Variants in WHRN observed in about 807,000 individuals in gnomAD.
WHRN encodes CASK-interacting protein CIP98.
A neutral mutation model predicts 68.3 loss-of-function variants in WHRN; 41 were observed. That is an observed-to-expected ratio of 0.60 (90% CI 0.47 to 0.78). The LOEUF is 0.78. Among genes scored for constraint, WHRN ranks in the 30% least tolerant of loss-of-function variants. The probability of loss-of-function intolerance (pLI) is 0.00; values close to 1 mark genes in which losing one functional copy is unlikely to be tolerated. For synonymous variants in WHRN, 560 were observed against 561.3 expected (o/e 1.00, Z 0.03); for missense variants, 1,243 against 1,244.7 (o/e 1.00, Z 0.02).
At chr9:114,440,737 A>C (rs898901344) in intron 3 of WHRN, among the ~76,000 whole-genome samples, 56 of 152,348 alleles carry the variant, frequency 3.7e-4, no homozygotes, top group African/African-American at 1.3e-3. Flanking sequence ...AGTGTGCTCA[A>C]GTTTTGAAAG....
intron 4 of WHRN, 102 bp from the exon 5 acceptor site, chr9:114,425,126 A>G (rs773966301): frequency 2.5e-6 from 3 of 1,216,968 alleles, no homozygotes; most frequent in Non-Finnish European, 2.4e-6. Flanking sequence ...AAGCTTCAAG[A>G]GAACCATGCA....
chr9:114,425,218 C>A, intron 4 of WHRN, 194 bp from the exon 5 acceptor site: 2 of 713,246 alleles, frequency 2.8e-6, no homozygotes, highest in Non-Finnish European at 5.1e-6. Context: ...CAGCGTCCAG[C>A]CTCCCAATCA....
rs10523063 is a variant in WHRN at position 114,464,816 on chromosome 9, AATGATGATGATGATGATG to A, written c.963+1433_963+1450del. Reference sequence around the variant, plus strand: ...GGTAGATGTTAATGATTATGTCCATAATGATGATGATGATGATGATGATGATGATGATGATGATGATGA... The same window carrying A: ...GGTAGATGTTAATGATTATGTCCATAATGATGATGATGATGATGATGATGA... On this transcript the variant is annotated intron_variant, in intron 3 of 11. Coordinates refer to ENST00000362057, the MANE Select transcript of WHRN (RefSeq NM_015404.4). Among the ~76,000 whole-genome samples the A allele has an allele frequency of 2.2e-3, 312 of 144,852 alleles. 3 individuals are homozygous for A. Among genetic ancestry groups the A allele is most frequent in the African/African-American group, 7.5e-3 (273 of 36,538 alleles).
intron 1 of WHRN, among the ~76,000 whole-genome samples, chr9:114,501,576 ACAC>A (rs1843928113): frequency 1.3e-5 from 2 of 151,728 alleles, no homozygotes; most frequent in African/African-American, 4.9e-5. Context: ...ACACACACAC[ACAC>A]ACACACACTG....
At chr9:114,472,362 C>A (rs1841299794) in intron 2 of WHRN, among the ~76,000 whole-genome samples, 1 of 152,176 alleles carries the variant, frequency 6.6e-6, no homozygotes, top group African/African-American at 2.4e-5. Flanking sequence ...TGCTGCTGCT[C>A]CTCAAGAGGC....
chr9:114,504,779 A>T lies in WHRN; in HGVS notation c.23T>A (p.Leu8Gln), dbSNP rs1844265388. The T allele has an allele frequency of 6.8e-7, 1 of 1,476,016 alleles. No individual in the cohort carries two copies. Among genetic ancestry groups the T allele is most frequent in the Middle Eastern group, 2.4e-4 (1 of 4,174 alleles). The allele number at this position is 1,476,016 out of a possible 1,614,324, so 91.4% of individuals were successfully genotyped here. ...GCCGGTGGAGGACGAGCTCACCGACAGGCCGTCCAGCGGCGCGTTCATCTC... is the reference window on the plus strand; with the variant it reads ...GCCGGTGGAGGACGAGCTCACCGACTGGCCGTCCAGCGGCGCGTTCATCTC... MNAPLDG[L>Q]SVSSSSTGSL... The change falls in exon 1 of 12, where the codon CTG becomes CAG. Residue 8 changes from leucine to glutamine, a missense_variant. Leu to Gln is a moderately radical substitution (Grantham distance 113). Transcript: ENST00000362057.
intron 2 of WHRN, among the ~76,000 whole-genome samples, chr9:114,472,917 C>G (rs917707400): frequency 3.9e-5 from 6 of 152,228 alleles, no homozygotes; most frequent in Non-Finnish European, 8.8e-5. Context: ...TTAAGTGACT[C>G]ATCCAAGGTT....
Position 114,406,364 on chromosome 9 carries a change from G to C in WHRN, c.2227C>G (p.Gln743Glu), listed in dbSNP as rs1485841087. Reference sequence around the variant, plus strand: ...GCCTTGCTGTACTCACTGCGCGTCTGGGGCAGCGCCCTCACTTCATTGACG... The same window carrying C: ...GCCTTGCTGTACTCACTGCGCGTCTCGGGCAGCGCCCTCACTTCATTGACG... Reference protein sequence around the residue: ...PDVNEVRALPQTRTASTLSQL... With the variant: ...PDVNEVRALPETRTASTLSQL... The change falls in exon 9 of 12, where the codon CAG becomes GAG. Residue 743 changes from glutamine (Q) to glutamate (E), a missense_variant. Coordinates refer to ENST00000362057, the MANE Select transcript of WHRN (RefSeq NM_015404.4). 2.5e-6 allele frequency: 4 copies of C among 1,613,972 alleles called. No homozygotes were observed. Among genetic ancestry groups the C allele is most frequent in the African/African-American group, 1.3e-5 (1 of 74,938 alleles).
intron 3 of WHRN, among the ~76,000 whole-genome samples, chr9:114,450,153 G>A (rs1407243297): frequency 1.3e-5 from 2 of 152,138 alleles, no homozygotes; most frequent in Non-Finnish European, 2.9e-5. Context: ...CTGGTGGGGA[G>A]GCAAAGCCCA....
At chr9:114,417,543 G>A (rs1835903722) in intron 7 of WHRN, among the ~76,000 whole-genome samples, 1 of 152,238 alleles carries the variant, frequency 6.6e-6, no homozygotes, top group South Asian at 2.1e-4. Flanking sequence ...TTGGGGAAGG[G>A]AAACCCACGA....
At position 114,451,003 on chromosome 9, in the gene WHRN, CTT is replaced by C. The variant is rs200093862; in HGVS notation, c.963+15262_963+15263del. 5.4e-3 allele frequency among the ~76,000 whole-genome samples: 826 copies of C among 152,330 alleles called. 4 individuals carry two copies. Among genetic ancestry groups the C allele is most frequent in the Non-Finnish European group, 8.7e-3 (589 of 68,040 alleles). ...ATGGCAGACACAGCGCTAAGTGACT[CTT>C]AGCATTAGCTAACTATCCCTTCTTG... On this transcript the variant is annotated intron_variant, in intron 3 of 11. Transcript: ENST00000362057.
chr9:114,502,058 C>G (rs1843978777), intron 1 of WHRN, among the ~76,000 whole-genome samples: 1 of 152,186 alleles, frequency 6.6e-6, no homozygotes, highest in African/African-American at 2.4e-5. Flanking sequence ...TTCCACCCAC[C>G]AAAGAAAAGT....
chr9:114,501,601 T>C (rs1162862993), intron 1 of WHRN, among the ~76,000 whole-genome samples: 1 of 146,620 alleles, frequency 6.8e-6, no homozygotes, highest in East Asian at 2.0e-4. Flanking sequence ...ATCTCTCCGT[T>C]TGGGAAGCTC....
At chr9:114,483,556 G>T (rs760585624) in intron 1 of WHRN, among the ~76,000 whole-genome samples, 5 of 151,948 alleles carry the variant, frequency 3.3e-5, no homozygotes, top group Middle Eastern at 3.2e-3. Flanking sequence ...GGCCACCTGG[G>T]GGATCGCGAG....
At chr9:114,494,930 G>C (rs60596377) in intron 1 of WHRN, among the ~76,000 whole-genome samples, 20 of 145,936 alleles carry the variant, frequency 1.4e-4, no homozygotes, top group Non-Finnish European at 2.4e-4. Flanking sequence ...ATGACACTGG[G>C]GGGGGGAGCG....
intron 1 of WHRN, among the ~76,000 whole-genome samples, chr9:114,488,707 C>T (rs1422655179): frequency 2.0e-5 from 3 of 152,172 alleles, no homozygotes; most frequent in Admixed American, 6.5e-5. Context: ...ATTGGTGATG[C>T]GGACTCTGCC....
chr9:114,412,573 T>C (rs919552412), intron 7 of WHRN, among the ~76,000 whole-genome samples: 4 of 152,348 alleles, frequency 2.6e-5, no homozygotes, highest in Admixed American at 6.5e-5. Flanking sequence ...CCCGACTCCA[T>C]ATCCCCGACA....
intron 7 of WHRN, among the ~76,000 whole-genome samples, chr9:114,415,584 G>A (rs144857920): frequency 5.3e-4 from 80 of 152,254 alleles, no homozygotes; most frequent in African/African-American, 1.9e-3. Context: ...GACTGGTCGG[G>A]GCCCATGTAT....
intron 1 of WHRN, among the ~76,000 whole-genome samples, chr9:114,501,361 G>A (rs10046888): frequency 6.6e-6 from 1 of 152,146 alleles, no homozygotes; most frequent in Admixed American, 6.5e-5. Context: ...CAAGAGAGGG[G>A]TGGAAGCCCC....
Sources: allele counts gnomAD v4.1 joint callset (sites outside exome capture counted in the v4.1 genomes callset), GRCh38; gene constraint gnomAD v4.1.1; transcripts MANE v1.5; gene names NCBI Gene and HGNC (gene_info 2026-07-23, HGNC 2026-07-21).